CAMTA1: variants seen among roughly 807,000 people sequenced by gnomAD.
CAMTA1 encodes the protein calmodulin-binding transcription activator 1.
CAMTA1 carries 27 observed loss-of-function variants against 170.9 expected under a neutral mutation model. The ratio of observed to expected loss-of-function variants is 0.16; its 90% CI spans 0.12 to 0.22. The LOEUF is 0.22. Among genes scored for constraint, CAMTA1 ranks in the 10% least tolerant of loss-of-function variants. The pLI is 1.00. For synonymous variants in CAMTA1, 833 were observed against 891.5 expected (o/e 0.93, Z 1.17); for missense variants, 1,619 against 2,217.2 (o/e 0.73, Z 5.42).
At chr1:7,737,150 G>T in intron 14 of CAMTA1, 105 bp from the exon 15 acceptor site, 1 of 1,358,616 alleles carries the variant, frequency 7.4e-7, no homozygotes. Flanking sequence ...TGGCCCCACC[G>T]AGATTGCCAG....
rs1370434886 is a variant in CAMTA1 at position 7,634,186 on chromosome 1, C to T, written c.511-6214C>T. Reference sequence around the variant, plus strand: ...AGGACACCCGGGAGGAGGGCACACTCCCACGTGCGCAGGAGAGCAGGTGGA... The same window carrying T: ...AGGACACCCGGGAGGAGGGCACACTTCCACGTGCGCAGGAGAGCAGGTGGA... On this transcript the variant is annotated intron_variant, in intron 6 of 22. Transcript: ENST00000303635. The surrounding 1 kb of genome is among the most constrained non-coding windows in gnomAD (Gnocchi z 6.2). Among the ~76,000 whole-genome samples, 1 of 152,122 alleles carries T rather than the reference C, an allele frequency of 6.6e-6. No homozygotes were observed. The highest frequency in any genetic ancestry group is 6.5e-5 in the Admixed American group (1 of 15,268).
intron 3 of CAMTA1, among the ~76,000 whole-genome samples, chr1:7,078,075 G>A (rs767644050): frequency 7.2e-5 from 11 of 152,162 alleles, no homozygotes; most frequent in Admixed American, 2.6e-4. Context: ...TCAAAGGGAC[G>A]TGGCTACACA....
chr1:7,385,481 C>G (rs74055405), intron 5 of CAMTA1, among the ~76,000 whole-genome samples: 3,995 of 152,304 alleles, frequency 0.026, 120 homozygotes, highest in African/African-American at 0.067. Flanking sequence ...TGGGCACTTA[C>G]ATTTCCAAAT....
intron 7 of CAMTA1, among the ~76,000 whole-genome samples, chr1:7,660,828 G>C (rs1234113262): frequency 6.6e-6 from 1 of 152,238 alleles, no homozygotes; most frequent in Non-Finnish European, 1.5e-5. Context: ...CAGCCCCAAA[G>C]CTGCGAATCC....
At chr1:7,085,153 A>G (rs915485023) in intron 3 of CAMTA1, among the ~76,000 whole-genome samples, 6 of 152,188 alleles carry the variant, frequency 3.9e-5, no homozygotes, top group Non-Finnish European at 5.9e-5. Flanking sequence ...AAAATGACAC[A>G]CGTGCCTTGT....
intron 6 of CAMTA1, among the ~76,000 whole-genome samples, chr1:7,529,258 C>T (rs1006283823): frequency 6.6e-6 from 1 of 152,082 alleles, no homozygotes; most frequent in Non-Finnish European, 1.5e-5. Flanking sequence ...CAGGCTTGCT[C>T]AAGGTCCCTG....
chr1:7,157,043 A>G (rs867883933), intron 4 of CAMTA1, among the ~76,000 whole-genome samples: 10 of 152,152 alleles, frequency 6.6e-5, no homozygotes, highest in South Asian at 4.1e-4. Flanking sequence ...TAACACAAAA[A>G]TTAATAATAA....
In CAMTA1 at chr1:6,918,222, C is replaced by A. The variant is rs191707760; in HGVS notation, c.234+93012C>A. On this transcript the variant is annotated intron_variant, in intron 3 of 22. Coordinates refer to ENST00000303635, the MANE Select transcript of CAMTA1 (RefSeq NM_015215.4). This position sits in a 1 kb window ranked among gnomAD's most constrained non-coding sequence, Gnocchi z 4.0. Reference sequence around the variant, plus strand: ...GAAGACATATTGGAGGAGGAGAAACCTTTCACCCAGCCCTAAACCAGCTGC... The same window carrying A: ...GAAGACATATTGGAGGAGGAGAAACATTTCACCCAGCCCTAAACCAGCTGC... Among the ~76,000 whole-genome samples, 1 of 152,282 alleles carries A rather than the reference C, an allele frequency of 6.6e-6. No individual in the cohort carries two copies. Among genetic ancestry groups the A allele is most frequent in the Admixed American group, 6.5e-5 (1 of 15,304 alleles).
intron 5 of CAMTA1, among the ~76,000 whole-genome samples, chr1:7,409,084 G>T (rs1298436328): frequency 2.6e-5 from 4 of 152,218 alleles, no homozygotes; most frequent in Non-Finnish European, 5.9e-5. Flanking sequence ...GACCACGGCA[G>T]CCTGAGAGAA....
At chr1:7,639,868 T>A (rs2095746868) in intron 6 of CAMTA1, among the ~76,000 whole-genome samples, 1 of 152,100 alleles carries the variant, frequency 6.6e-6, no homozygotes, top group South Asian at 2.1e-4. Context: ...AGGAGGAGCC[T>A]TAAGCCCTGG....
intron 5 of CAMTA1, among the ~76,000 whole-genome samples, chr1:7,271,565 GAGATAGATAGAT>G (rs138661434): frequency 2.3e-3 from 329 of 142,862 alleles, no homozygotes; most frequent in African/African-American, 7.5e-3. Context: ...ACTGAGAAAA[GAGATAGATAGAT>G]AGATAGATAG....
rs1008341274 is a variant in CAMTA1 at position 7,455,188 on chromosome 1, C to T, written c.439-12642C>T. The stretch of plus-strand genomic sequence containing the variant: ...CTGTTCCAGGACAAGACATGCTGCC[C>T]ATCCCTCCTGCTTCTCTAGTGCAGG... On this transcript the variant is annotated intron_variant, in intron 5 of 22. Coordinates refer to ENST00000303635, the MANE Select transcript of CAMTA1 (RefSeq NM_015215.4). This position sits in a 1 kb window ranked among gnomAD's most constrained non-coding sequence, Gnocchi z 5.0. Among the ~76,000 whole-genome samples the T allele has an allele frequency of 1.3e-5, 2 of 152,176 alleles. No individual in the cohort carries two copies. Among genetic ancestry groups the T allele is most frequent in the Non-Finnish European group, 1.5e-5 (1 of 68,034 alleles).
At chr1:7,271,311 A>G (rs1481953410) in intron 5 of CAMTA1, among the ~76,000 whole-genome samples, 1 of 152,238 alleles carries the variant, frequency 6.6e-6, no homozygotes, top group Middle Eastern at 3.4e-3. Context: ...ATCAGAAACA[A>G]ATTTGCTGGC....
chr1:6,962,654 C>G (rs1337477012), intron 3 of CAMTA1, among the ~76,000 whole-genome samples: 10 of 146,444 alleles, frequency 6.8e-5, no homozygotes, highest in African/African-American at 2.5e-4. Flanking sequence ...CTCTGTGGAC[C>G]TGCCCCTGTC....
chr1:7,578,695 G>C (rs1284407864), intron 6 of CAMTA1, among the ~76,000 whole-genome samples: 2 of 152,212 alleles, frequency 1.3e-5, no homozygotes, highest in Non-Finnish European at 2.9e-5. Context: ...GATCTAGAGG[G>C]TGGGAAGTCC....
intron 4 of CAMTA1, among the ~76,000 whole-genome samples, chr1:7,188,968 T>C (rs1274907726): frequency 6.6e-6 from 1 of 152,198 alleles, no homozygotes; most frequent in Non-Finnish European, 1.5e-5. Flanking sequence ...CCTCACCAAC[T>C]CTTGTTTTTT....
At position 7,730,928 on chromosome 1, in the gene CAMTA1, C is replaced by CTCTA. The variant is rs1478235304; in HGVS notation, c.2915-1519_2915-1518insCTAT. On this transcript the variant is annotated intron_variant, in intron 11 of 22. Coordinates refer to ENST00000303635, the MANE Select transcript of CAMTA1 (RefSeq NM_015215.4). ...TCTCAATCTCTCTCTCTCTCTCTCT[C>CTCTA]TATATATATATATATATATTTAACA... Among the ~76,000 whole-genome samples the CTCTA allele has an allele frequency of 6.0e-4, 68 of 114,218 alleles. 1 individual carries two copies. Among genetic ancestry groups the CTCTA allele is most frequent in the African/African-American group, 2.0e-3 (64 of 31,738 alleles). 74.9% of individuals were successfully genotyped at this position (114,218 alleles called of 152,430 possible).
intron 3 of CAMTA1, among the ~76,000 whole-genome samples, chr1:6,892,597 C>CT (rs70984032): frequency 0.028 from 3,350 of 120,804 alleles, 68 homozygotes; most frequent in African/African-American, 0.043. Flanking sequence ...TTTTTCTTTT[C>CT]TTTTTTTTTT....
chr1:7,508,463 A>T (rs1264446846), intron 6 of CAMTA1, among the ~76,000 whole-genome samples: 1 of 151,736 alleles, frequency 6.6e-6, no homozygotes, highest in Non-Finnish European at 1.5e-5. Flanking sequence ...GAAGACTAGC[A>T]AAGCAGGGGG....
Sources: gnomAD v4.1 joint callset for allele counts (sites outside exome capture counted in the v4.1 genomes callset) on GRCh38, gnomAD v4.1.1 for gene constraint, Gnocchi (gnomAD v3.1) non-coding constraint, MANE v1.5 for transcripts, NCBI Gene and HGNC (gene_info 2026-07-23, HGNC 2026-07-21) for gene names.